The following EYS variants were observed in gnomAD, a reference collection of about 807,000 sequenced individuals.
EYS encodes EGF-like photoreceptor maintenance factor, also known as protein eyes shut homolog.
EYS carries 250 observed loss-of-function variants against 282.1 expected under a neutral mutation model. The observed-to-expected ratio is 0.89, with a 90% confidence interval of 0.80 to 0.98. EYS has a LOEUF of 0.98. Ranked by LOEUF, EYS falls within the 50% of genes least tolerant of loss-of-function variation. EYS has a pLI of 0.00. For synonymous variants in EYS, 1,355 were observed against 1,282.9 expected, an observed-to-expected ratio of 1.06 and a Z score of -1.20; for missense variants, 4,016 against 3,709.0, an observed-to-expected ratio of 1.08 and a Z score of -2.15.
At chr6:64,607,540 A>G (rs528788522) in intron 24 of EYS, among the ~76,000 whole-genome samples, 9 of 152,048 alleles carry the variant, frequency 5.9e-5, no homozygotes, top group Non-Finnish European at 1.2e-4. Context: ...ACTCATCCCA[A>G]TCATGAGTAC....
chr6:64,020,455 G>A (rs982794089), intron 33 of EYS, among the ~76,000 whole-genome samples: 5 of 152,004 alleles, frequency 3.3e-5, no homozygotes, highest in Non-Finnish European at 7.4e-5. Flanking sequence ...ACCAAGTCAC[G>A]AAAACATTGT....
At chr6:64,854,055 A>G (rs1036633594) in intron 19 of EYS, among the ~76,000 whole-genome samples, 5 of 151,966 alleles carry the variant, frequency 3.3e-5, no homozygotes, top group African/African-American at 9.7e-5. Flanking sequence ...GTGAGATACC[A>G]TCTCACACCA....
chr6:64,544,544 C>G (rs2149801095), intron 26 of EYS, among the ~76,000 whole-genome samples: 1 of 152,042 alleles, frequency 6.6e-6, no homozygotes, highest in East Asian at 1.9e-4. Context: ...CATGTAGTCA[C>G]TTTAAGAATA....
intron 22 of EYS, among the ~76,000 whole-genome samples, chr6:64,800,524 G>A (rs1228212596): frequency 6.7e-6 from 1 of 149,944 alleles, no homozygotes; most frequent in Non-Finnish European, 1.5e-5. Flanking sequence ...CATAAGGAAA[G>A]TATAACCAGA....
intron 24 of EYS, among the ~76,000 whole-genome samples, chr6:64,602,648 G>C (rs1042223733): frequency 2.6e-5 from 4 of 152,004 alleles, no homozygotes; most frequent in Admixed American, 6.6e-5. Flanking sequence ...GAGCTCAAAA[G>C]AATTGGTAAA....
At chr6:65,641,052 G>C (rs552367358) in intron 1 of EYS, among the ~76,000 whole-genome samples, 1 of 151,992 alleles carries the variant, frequency 6.6e-6, no homozygotes, top group Non-Finnish European at 1.5e-5. Flanking sequence ...CATGCTTGTG[G>C]TGTTTTTTAC....
intron 10 of EYS, among the ~76,000 whole-genome samples, chr6:65,342,336 AATTT>A (rs1389218808): frequency 6.6e-6 from 1 of 151,048 alleles, no homozygotes; most frequent in Non-Finnish European, 1.5e-5. Context: ...TAACAGATAT[AATTT>A]AAAAGGGTTG....
intron 28 of EYS, among the ~76,000 whole-genome samples, chr6:64,419,842 G>A (rs1271070984): frequency 6.6e-6 from 1 of 152,184 alleles, no homozygotes; most frequent in East Asian, 1.9e-4. Flanking sequence ...GCTTTTCCAG[G>A]CACACAGTGC....
chr6:64,952,556 C>T (rs1769548313), intron 14 of EYS, among the ~76,000 whole-genome samples: 1 of 151,958 alleles, frequency 6.6e-6, no homozygotes, highest in South Asian at 2.1e-4. Flanking sequence ...ATGTTTGTTT[C>T]CTTTACTTTC....
At chr6:64,618,570 C>T (rs895912144) in intron 23 of EYS, among the ~76,000 whole-genome samples, 6 of 152,096 alleles carry the variant, frequency 3.9e-5, no homozygotes, top group Non-Finnish European at 8.8e-5. Flanking sequence ...TCTGATTGTT[C>T]TTCCCTGATA....
intron 14 of EYS, among the ~76,000 whole-genome samples, chr6:64,965,595 A>G (rs1262355501): frequency 2.0e-5 from 3 of 152,062 alleles, no homozygotes; most frequent in Admixed American, 1.3e-4. Flanking sequence ...GAAATTTTCT[A>G]ACTCATGAGT....
intron 19 of EYS, among the ~76,000 whole-genome samples, chr6:64,872,806 C>T (rs931999931): frequency 1.3e-5 from 2 of 151,836 alleles, no homozygotes; most frequent in African/African-American, 4.8e-5. Context: ...TGCAATTCCC[C>T]CAGTACCTAG....
intron 11 of EYS, among the ~76,000 whole-genome samples, chr6:65,318,561 T>C (rs1288684438): frequency 6.8e-6 from 1 of 147,148 alleles, no homozygotes; most frequent in Non-Finnish European, 1.5e-5. Flanking sequence ...ATATATTTTA[T>C]ATATTATATG....
At chr6:64,647,836 T>C (rs1277130993) in intron 22 of EYS, among the ~76,000 whole-genome samples, 6 of 152,216 alleles carry the variant, frequency 3.9e-5, no homozygotes, top group Admixed American at 3.9e-4. Flanking sequence ...GGAACCTTTT[T>C]GCTTATTTAA....
intron 14 of EYS, among the ~76,000 whole-genome samples, chr6:64,967,570 G>A (rs977996816): frequency 8.5e-5 from 13 of 152,070 alleles, no homozygotes; most frequent in Non-Finnish European, 1.2e-4. Context: ...CACCTGCCTC[G>A]GCCTCCCAAA....
intron 2 of EYS, among the ~76,000 whole-genome samples, chr6:65,628,433 G>A (rs1013182920): frequency 3.3e-5 from 5 of 152,180 alleles, no homozygotes; most frequent in Admixed American, 2.6e-4. Flanking sequence ...AATAAAAGCA[G>A]GCTGCCCAAG....
chr6:64,511,765 C>T (rs1777409679), intron 26 of EYS, among the ~76,000 whole-genome samples: 1 of 151,742 alleles, frequency 6.6e-6, no homozygotes, highest in Non-Finnish European at 1.5e-5. Context: ...CTCCTTTTCT[C>T]TTAAAAACAT....
intron 36 of EYS, among the ~76,000 whole-genome samples, chr6:63,833,681 A>C (rs1771714087): frequency 6.6e-6 from 1 of 152,170 alleles, no homozygotes; most frequent in Admixed American, 6.5e-5. Context: ...GCTACCAATG[A>C]CTTCCTTCAC....
At chr6:64,565,711 T>C (rs1000970482) in intron 26 of EYS, among the ~76,000 whole-genome samples, 1 of 152,114 alleles carries the variant, frequency 6.6e-6, no homozygotes, top group Admixed American at 6.5e-5. Flanking sequence ...TTATAGTTGA[T>C]AATACTGTAT....
Sources: allele counts gnomAD v4.1 joint callset (sites outside exome capture counted in the v4.1 genomes callset), GRCh38; gene constraint gnomAD v4.1.1; transcripts MANE v1.5; gene names NCBI Gene and HGNC (gene_info 2026-07-23, HGNC 2026-07-21).